The following EPHA7 variants were observed in gnomAD, a reference collection of about 807,000 sequenced individuals.
EPHA7 encodes the protein ephrin type-A receptor 7.
Under a neutral mutation model 112.6 loss-of-function variants are expected in EPHA7, and 25 were observed. The ratio of observed to expected loss-of-function variants is 0.22; its 90% CI spans 0.16 to 0.31. EPHA7 has a LOEUF of 0.31. Ranked by LOEUF, EPHA7 falls within the 10% of genes least tolerant of loss-of-function variation. The probability of loss-of-function intolerance (pLI) is 1.00; values close to 1 mark genes in which losing one functional copy is unlikely to be tolerated. For missense variants in EPHA7, 962 were observed against 1,212.6 expected, an observed-to-expected ratio of 0.79 and a Z score of 3.07; for synonymous variants, 437 against 406.5, an observed-to-expected ratio of 1.07 and a Z score of -0.90.
chr6:93,288,181 G>A (rs558154896), intron 5 of EPHA7, among the ~76,000 whole-genome samples: 1 of 152,208 alleles, frequency 6.6e-6, no homozygotes, highest in African/African-American at 2.4e-5. Flanking sequence ...ACAACATAAA[G>A]GTTCATAAAC....
In EPHA7 at chr6:93,419,512, T is replaced by G. The variant is rs566633289; in HGVS notation, c.-171A>C. 1.7e-6 allele frequency: 1 copy of G among 572,474 alleles called. No individual in the cohort carries two copies. Among genetic ancestry groups the G allele is most frequent in the East Asian group, 3.1e-5 (1 of 31,984 alleles). 35.5% of individuals were successfully genotyped at this position (572,474 alleles called of 1,614,324 possible). Reference sequence around the variant, plus strand: ...CTTTTTTTAATTTCCCCCCCACTCCTGTTCGCTCGCACCGTGTTTGCTGCC... The same window carrying G: ...CTTTTTTTAATTTCCCCCCCACTCCGGTTCGCTCGCACCGTGTTTGCTGCC... On this transcript the variant is annotated 5_prime_UTR_variant, in exon 1 of 17. Transcript: ENST00000369303.
chr6:93,278,424 A>G (rs1003836926), intron 5 of EPHA7, among the ~76,000 whole-genome samples: 30 of 152,102 alleles, frequency 2.0e-4, no homozygotes, highest in African/African-American at 6.8e-4. Context: ...TGTCCTATTC[A>G]TACCAGTCTT....
At chr6:93,385,549 T>A (rs1266080464) in intron 3 of EPHA7, among the ~76,000 whole-genome samples, 1 of 152,080 alleles carries the variant, frequency 6.6e-6, no homozygotes, top group Non-Finnish European at 1.5e-5. Flanking sequence ...ATCTCATATT[T>A]TTATTTAACA....
intron 3 of EPHA7, among the ~76,000 whole-genome samples, chr6:93,402,679 G>A (rs1472954609): frequency 6.6e-6 from 1 of 151,818 alleles, no homozygotes; most frequent in Non-Finnish European, 1.5e-5. Context: ...GAGACAATAG[G>A]GTAATATTAG....
In EPHA7 at chr6:93,409,285, G is replaced by A. The variant is rs140633680; in HGVS notation, c.832+1216C>T. On this transcript the variant is annotated intron_variant, in intron 3 of 16. Coordinates refer to ENST00000369303, the MANE Select transcript of EPHA7 (RefSeq NM_004440.4). ...TTGTGATTAAAACTAGGGCAATATC[G>A]TTGCCTAGGCTCTAAAGTCAGAATA... 2.3e-3 allele frequency among the ~76,000 whole-genome samples: 343 copies of A among 152,090 alleles called. 2 individuals are homozygous for A. The highest frequency in any genetic ancestry group is 7.8e-3 in the African/African-American group (324 of 41,524).
intron 5 of EPHA7, among the ~76,000 whole-genome samples, chr6:93,326,061 A>G (rs569292211): frequency 3.3e-5 from 5 of 151,576 alleles, no homozygotes; most frequent in African/African-American, 7.2e-5. Context: ...TTCACCAAAC[A>G]TTAGTTACAT....
intron 5 of EPHA7, among the ~76,000 whole-genome samples, chr6:93,346,107 G>A (rs1321520336): frequency 6.6e-6 from 1 of 151,628 alleles, no homozygotes; most frequent in South Asian, 2.1e-4. Context: ...GATTGACAGT[G>A]GCAGTGCATA....
At chr6:93,269,780 G>T in intron 6 of EPHA7, 120 bp from the exon 7 acceptor site, 2 of 736,772 alleles carry the variant, frequency 2.7e-6, no homozygotes, top group Non-Finnish European at 4.2e-6. Flanking sequence ...ATTGTACTTT[G>T]TGGAATATTA....
At chr6:93,347,430 T>A (rs1034684721) in intron 5 of EPHA7, among the ~76,000 whole-genome samples, 1 of 145,226 alleles carries the variant, frequency 6.9e-6, no homozygotes, top group African/African-American at 2.5e-5. Flanking sequence ...GTTAAGGGTT[T>A]TTTGGAGGGG....
chr6:93,245,581 T>C (rs1018327906), intron 15 of EPHA7, 128 bp from the exon 16 acceptor site: 58 of 846,358 alleles, frequency 6.9e-5, no homozygotes, highest in Non-Finnish European at 9.6e-5. Flanking sequence ...TAATAAAAAA[T>C]ACATCGATAT....
chr6:93,253,394 A>C lies in EPHA7; in HGVS notation c.2532+1253T>G, dbSNP rs73539418. Among the ~76,000 whole-genome samples, 806 of 152,192 alleles carry C rather than the reference A, an allele frequency of 5.3e-3. 10 individuals carry two copies. The highest frequency in any genetic ancestry group is 0.018 in the African/African-American group (768 of 41,558). On this transcript the variant is annotated intron_variant, in intron 14 of 16. Coordinates refer to ENST00000369303, the MANE Select transcript of EPHA7 (RefSeq NM_004440.4). ...CCTCTTTTCAGACTGTGGACTTCTC[A>C]GTTAATGAAAAAATTTGTAGGGAAA...
At position 93,410,629 on chromosome 6, in the gene EPHA7, A is replaced by G; in HGVS notation, c.704T>C (p.Val235Ala). ...TTCCGCTTCTTCCTCTGCACTGCTGACACATGTCCCTCGAACCTCGACTAA... is the reference window on the plus strand; with the variant it reads ...TTCCGCTTCTTCCTCTGCACTGCTGGCACATGTCCCTCGAACCTCGACTAA... The part of the protein sequence containing the change: ...SSLVEVRGTC[V>A]SSAEEEAENA... Residue 235 changes from valine (V) to alanine (A), a missense_variant, in exon 3 of 17, where the codon GTC (valine) becomes GCC (alanine). This residue lies in a region of EPHA7 where 160 missense variants were observed against 263.6 expected (regional missense o/e 0.61). Transcript: ENST00000369303. The surrounding 1 kb of genome is among the most constrained non-coding windows in gnomAD (Gnocchi z 4.0). 6.2e-7 allele frequency: 1 copy of G among 1,614,016 alleles called. No individual in the cohort carries two copies. Among genetic ancestry groups the G allele is most frequent in the Non-Finnish European group, 8.5e-7 (1 of 1,179,936 alleles).
Position 93,331,794 on chromosome 6 carries a change from C to T in EPHA7, c.1324+24923G>A, listed in dbSNP as rs76902358. Among the ~76,000 whole-genome samples, 762 of 151,578 alleles carry T rather than the reference C, an allele frequency of 5.0e-3. 11 individuals carry two copies. The highest frequency in any genetic ancestry group is 0.017 in the African/African-American group (725 of 41,430). On this transcript the variant is annotated intron_variant, in intron 5 of 16. Coordinates refer to ENST00000369303, the MANE Select transcript of EPHA7 (RefSeq NM_004440.4). ...TCAATTAATTATTTCTTCAAAGATA[C>T]GTACTTTCTATTTTTCAGCTACTAT...
At chr6:93,256,851 A>G (rs890127945) in intron 12 of EPHA7, among the ~76,000 whole-genome samples, 1 of 152,104 alleles carries the variant, frequency 6.6e-6, no homozygotes, top group Non-Finnish European at 1.5e-5. Flanking sequence ...ATAACTTTGC[A>G]TGTTCTCTTT....
At chr6:93,339,687 T>C (rs1775048235) in intron 5 of EPHA7, among the ~76,000 whole-genome samples, 1 of 151,818 alleles carries the variant, frequency 6.6e-6, no homozygotes, top group Non-Finnish European at 1.5e-5. Context: ...TAGAAACTGA[T>C]TTTATTTTGA....
At chr6:93,399,530 T>A (rs369883125) in intron 3 of EPHA7, among the ~76,000 whole-genome samples, 1 of 152,116 alleles carries the variant, frequency 6.6e-6, no homozygotes. Context: ...GAGATTTCCA[T>A]AGAAAAGAAA....
chr6:93,416,781 A>C (rs1206763094), intron 1 of EPHA7, among the ~76,000 whole-genome samples: 8 of 152,062 alleles, frequency 5.3e-5, no homozygotes, highest in Non-Finnish European at 5.9e-5. Flanking sequence ...CCTGTGGGCC[A>C]ACAGGTGATG....
chr6:93,244,372 T>C (rs1304862377), intron 16 of EPHA7, among the ~76,000 whole-genome samples: 1 of 152,120 alleles, frequency 6.6e-6, no homozygotes, highest in Non-Finnish European at 1.5e-5. Flanking sequence ...TACGTGACAT[T>C]TCCTGGCATA....
intron 3 of EPHA7, among the ~76,000 whole-genome samples, chr6:93,369,651 A>G (rs1776687795): frequency 6.6e-6 from 1 of 152,202 alleles, no homozygotes; most frequent in Admixed American, 6.5e-5. Context: ...TCACACTGCC[A>G]TAATTATTTC....
Sources: allele counts gnomAD v4.1 joint callset (sites outside exome capture counted in the v4.1 genomes callset), GRCh38; gene constraint gnomAD v4.1.1; regional missense constraint gnomAD v4.1.1; non-coding constraint Gnocchi (gnomAD v3.1); transcripts MANE v1.5; gene names NCBI Gene and HGNC (gene_info 2026-07-23, HGNC 2026-07-21).